HS6ST3: variants seen among roughly 807,000 people sequenced by gnomAD.
The protein encoded by HS6ST3 is heparan sulfate 6-O-sulfotransferase 3.
A neutral mutation model predicts 36.7 loss-of-function variants in HS6ST3; 12 were observed. The observed-to-expected ratio is 0.33, with a 90% CI of 0.21 to 0.53. The LOEUF (loss-of-function observed/expected upper bound fraction) is 0.53, where lower values mean the gene tolerates loss of function less well. Among genes scored for constraint, HS6ST3 ranks in the 20% least tolerant of loss-of-function variants. The probability of loss-of-function intolerance (pLI) is 0.95; values close to 1 mark genes in which losing one functional copy is unlikely to be tolerated. For missense variants in HS6ST3, 584 were observed against 640.9 expected (o/e 0.91, Z 0.96); for synonymous variants, 240 against 257.5 (o/e 0.93, Z 0.65).
At chr13:96,144,341 A>C (rs1261447969) in intron 1 of HS6ST3, among the ~76,000 whole-genome samples, 1 of 152,210 alleles carries the variant, frequency 6.6e-6, no homozygotes, top group Admixed American at 6.5e-5. Context: ...GTCAGCTTCC[A>C]AACTTTTGAT....
intron 1 of HS6ST3, among the ~76,000 whole-genome samples, chr13:96,394,929 A>G (rs2055413471): frequency 6.6e-6 from 1 of 152,130 alleles, no homozygotes; most frequent in Non-Finnish European, 1.5e-5. Context: ...TTATTATTTT[A>G]TTTTATTAAC....
intron 1 of HS6ST3, among the ~76,000 whole-genome samples, chr13:96,626,184 G>A (rs1354371494): frequency 1.3e-5 from 2 of 151,942 alleles, no homozygotes; most frequent in African/African-American, 4.8e-5. Context: ...CAGTTTGTCA[G>A]TATTTTCTTT....
chr13:96,111,341 G>A (rs2053867661), intron 1 of HS6ST3, among the ~76,000 whole-genome samples: 1 of 152,184 alleles, frequency 6.6e-6, no homozygotes, highest in African/African-American at 2.4e-5. Flanking sequence ...ACAATTTGAG[G>A]TGGCTTGCAG....
intron 1 of HS6ST3, among the ~76,000 whole-genome samples, chr13:96,156,345 A>C (rs937310379): frequency 6.6e-6 from 1 of 152,232 alleles, no homozygotes; most frequent in Non-Finnish European, 1.5e-5. Flanking sequence ...GACAAGAAGC[A>C]CTGAGAATGC....
intron 1 of HS6ST3, among the ~76,000 whole-genome samples, chr13:96,432,615 C>G (rs886687706): frequency 1.3e-5 from 2 of 152,054 alleles, no homozygotes; most frequent in Admixed American, 6.6e-5. Flanking sequence ...GCTAATGGAG[C>G]TAGAAAATAA....
intron 1 of HS6ST3, among the ~76,000 whole-genome samples, chr13:96,678,295 G>A (rs915106350): frequency 2.0e-5 from 3 of 152,138 alleles, no homozygotes; most frequent in African/African-American, 7.2e-5. Context: ...CAACAGTATT[G>A]TTTTGGGGAT....
intron 1 of HS6ST3, among the ~76,000 whole-genome samples, chr13:96,662,945 G>T (rs1225440402): frequency 6.6e-6 from 1 of 152,140 alleles, no homozygotes; most frequent in African/African-American, 2.4e-5. Flanking sequence ...GTGTGTGCTT[G>T]ATTTTTGTTT....
intron 1 of HS6ST3, among the ~76,000 whole-genome samples, chr13:96,550,850 T>A (rs1330084464): frequency 3.9e-5 from 6 of 152,124 alleles, no homozygotes; most frequent in Non-Finnish European, 8.8e-5. Context: ...ATTTTAGGGG[T>A]AATGAAAATT....
chr13:96,816,782 G>A (rs947616627), intron 1 of HS6ST3, among the ~76,000 whole-genome samples: 7 of 152,104 alleles, frequency 4.6e-5, no homozygotes, highest in South Asian at 2.1e-4. Flanking sequence ...TCACATCAGC[G>A]CTCCAAGAGG....
At chr13:96,459,267 GA>G (rs971840238) in intron 1 of HS6ST3, among the ~76,000 whole-genome samples, 18 of 151,746 alleles carry the variant, frequency 1.2e-4, no homozygotes, top group African/African-American at 4.1e-4. Context: ...AAATAATGAA[GA>G]AAAAATAAAT....
chr13:96,403,318 G>T (rs902212472), intron 1 of HS6ST3, among the ~76,000 whole-genome samples: 1 of 152,088 alleles, frequency 6.6e-6, no homozygotes, highest in Non-Finnish European at 1.5e-5. Context: ...TATGACATAT[G>T]ATTCCATTTG....
At chr13:96,705,656 C>T (rs1875400993) in intron 1 of HS6ST3, among the ~76,000 whole-genome samples, 1 of 152,160 alleles carries the variant, frequency 6.6e-6, no homozygotes, top group Non-Finnish European at 1.5e-5. Context: ...CCCTATTTCT[C>T]ATCCTCAAAG....
At chr13:96,424,922 C>T (rs1766765324) in intron 1 of HS6ST3, among the ~76,000 whole-genome samples, 1 of 152,060 alleles carries the variant, frequency 6.6e-6, no homozygotes, top group Admixed American at 6.5e-5. Context: ...CTACTATACA[C>T]ATCAAAATAA....
At chr13:96,533,284 G>A (rs571618095) in intron 1 of HS6ST3, among the ~76,000 whole-genome samples, 6 of 152,252 alleles carry the variant, frequency 3.9e-5, no homozygotes, top group African/African-American at 1.4e-4. Flanking sequence ...AACCCCTGAT[G>A]TTGTCAAGCC....
chr13:96,481,712 C>A (rs901776487), intron 1 of HS6ST3, among the ~76,000 whole-genome samples: 10 of 152,116 alleles, frequency 6.6e-5, no homozygotes, highest in African/African-American at 1.2e-4. Context: ...CCTCTCTAAG[C>A]CTCAGGTGAT....
rs547851273 is a variant in HS6ST3, at chr13:96,781,210, G to T, written c.708-51280G>T. Among the ~76,000 whole-genome samples, 3 of 152,202 alleles carry T rather than the reference G, an allele frequency of 2.0e-5. No individual in the cohort carries two copies. In the East Asian group the frequency reaches 5.8e-4, roughly 29 times the overall value. On this transcript the variant is annotated intron_variant, in intron 1 of 1. Transcript: ENST00000376705. ...TTTGGAATTTTCCTATTCCATGTTAGCTGCCAAGCTAAATAGGGCTGCCAC... is the reference window on the plus strand; with the variant it reads ...TTTGGAATTTTCCTATTCCATGTTATCTGCCAAGCTAAATAGGGCTGCCAC...
chr13:96,419,480 T>C (rs780878829), intron 1 of HS6ST3, among the ~76,000 whole-genome samples: 1 of 152,194 alleles, frequency 6.6e-6, no homozygotes, highest in Admixed American at 6.5e-5. Context: ...TGATGATAGA[T>C]AGATAAATGG....
intron 1 of HS6ST3, among the ~76,000 whole-genome samples, chr13:96,503,085 A>C (rs2056011920): frequency 6.6e-6 from 1 of 152,050 alleles, no homozygotes; most frequent in South Asian, 2.1e-4. Flanking sequence ...AGTGAGCTTC[A>C]TTTTGTGCAT....
At chr13:96,744,903 G>A (rs1479897404) in intron 1 of HS6ST3, among the ~76,000 whole-genome samples, 1 of 152,018 alleles carries the variant, frequency 6.6e-6, no homozygotes, top group Non-Finnish European at 1.5e-5. Flanking sequence ...CAAGTCCAAA[G>A]GAACAAAGGG....
Sources: allele counts gnomAD v4.1 joint callset (sites outside exome capture counted in the v4.1 genomes callset), GRCh38; gene constraint gnomAD v4.1.1; transcripts MANE v1.5; gene names NCBI Gene and HGNC (gene_info 2026-07-23, HGNC 2026-07-21).